KHDRBS2: variants seen among roughly 807,000 people sequenced by gnomAD.
KHDRBS2 encodes KH RNA binding domain containing, signal transduction associated 2.
KHDRBS2 carries 26 observed loss-of-function variants against 44.3 expected under a neutral mutation model. The ratio of observed to expected loss-of-function variants is 0.59; its 90% CI spans 0.43 to 0.81. KHDRBS2 has a LOEUF of 0.81. Among genes scored for constraint, KHDRBS2 ranks in the 40% least tolerant of loss-of-function variants. The pLI is 0.00. For synonymous variants in KHDRBS2, 194 were observed against 151.1 expected (o/e 1.28, Z -2.08); for missense variants, 476 against 433.1 (o/e 1.10, Z -0.88).
At chr6:61,827,204 C>T (rs541080208) in intron 6 of KHDRBS2, among the ~76,000 whole-genome samples, 6 of 152,244 alleles carry the variant, frequency 3.9e-5, no homozygotes, top group East Asian at 1.9e-4. Flanking sequence ...CTGCACTAGA[C>T]GACTTGCAAA....
chr6:62,139,496 C>T (rs533136902), intron 2 of KHDRBS2, among the ~76,000 whole-genome samples: 2 of 149,758 alleles, frequency 1.3e-5, no homozygotes, highest in Admixed American at 6.7e-5. Context: ...GAGCTTGCAG[C>T]GAGCGGAGAT....
intron 6 of KHDRBS2, among the ~76,000 whole-genome samples, chr6:61,829,017 G>T (rs1583047269): frequency 6.6e-6 from 1 of 152,176 alleles, no homozygotes; most frequent in Non-Finnish European, 1.5e-5. Flanking sequence ...AATTTATGCA[G>T]CCTTTAACTC....
At chr6:62,170,973 C>T (rs1329359471) in intron 2 of KHDRBS2, among the ~76,000 whole-genome samples, 1 of 148,448 alleles carries the variant, frequency 6.7e-6, no homozygotes, top group Admixed American at 6.7e-5. Flanking sequence ...AAAAACCAAC[C>T]AAAGGACAGT....
chr6:62,140,410 G>A (rs561153723), intron 2 of KHDRBS2, among the ~76,000 whole-genome samples: 71 of 152,256 alleles, frequency 4.7e-4, no homozygotes, highest in African/African-American at 1.6e-3. Context: ...ATTTGTCGGG[G>A]CAAGACTAGA....
chr6:61,699,504 A>C (rs1768324847), intron 7 of KHDRBS2, among the ~76,000 whole-genome samples: 1 of 152,024 alleles, frequency 6.6e-6, no homozygotes, highest in Admixed American at 6.6e-5. Context: ...GCTGAATATC[A>C]AAAACCAAAT....
At chr6:61,965,860 G>A (rs1769806525) in intron 4 of KHDRBS2, among the ~76,000 whole-genome samples, 1 of 151,888 alleles carries the variant, frequency 6.6e-6, no homozygotes, top group Admixed American at 6.6e-5. Flanking sequence ...TTGAGTGACT[G>A]CAATAAGTTA....
chr6:62,175,071 A>G lies in KHDRBS2; in HGVS notation c.219+2114T>C, dbSNP rs115382932. 1.6e-3 allele frequency among the ~76,000 whole-genome samples: 240 copies of G among 151,788 alleles called. 1 individual carries two copies. The highest frequency in any genetic ancestry group is 5.6e-3 in the African/African-American group (233 of 41,530). On this transcript the variant is annotated intron_variant, in intron 2 of 8. Transcript: ENST00000281156. ...TGTTTTCAAAAGATTATTAAATATA[A>G]TAAGACATAGTTTGTTTTCAAAATA... is the stretch of plus-strand genomic sequence containing the variant.
intron 2 of KHDRBS2, among the ~76,000 whole-genome samples, chr6:62,166,460 A>G (rs866056931): frequency 6.6e-6 from 1 of 152,036 alleles, no homozygotes; most frequent in East Asian, 1.9e-4. Context: ...TATGTTCACA[A>G]TGGTTTATCT....
chr6:62,109,100 T>TAAA (rs70993202), intron 2 of KHDRBS2, among the ~76,000 whole-genome samples: 2 of 140,636 alleles, frequency 1.4e-5, no homozygotes, highest in Non-Finnish European at 3.1e-5. Context: ...AGTATAATAA[T>TAAA]AAAAAAAAAA....
chr6:61,891,783 C>T (rs1801889749), intron 6 of KHDRBS2, among the ~76,000 whole-genome samples: 1 of 152,190 alleles, frequency 6.6e-6, no homozygotes, highest in Non-Finnish European at 1.5e-5. Flanking sequence ...GACAAAACCA[C>T]AGCCAATATC....
the KHDRBS2 span, among the ~76,000 whole-genome samples, chr6:61,600,529 T>C: frequency 6.6e-6 from 1 of 152,100 alleles, no homozygotes; most frequent in Non-Finnish European, 1.5e-5. Context: ...CTATCTCCCT[T>C]CACTGAGTCT....
chr6:62,267,134 T>C (rs1839339585), intron 1 of KHDRBS2, among the ~76,000 whole-genome samples: 1 of 151,986 alleles, frequency 6.6e-6, no homozygotes, highest in South Asian at 2.1e-4. Context: ...TCAAATAACA[T>C]AAACCAATTG....
the KHDRBS2 span, among the ~76,000 whole-genome samples, chr6:61,558,317 T>A: frequency 4.6e-5 from 7 of 152,128 alleles, no homozygotes; most frequent in Non-Finnish European, 8.8e-5. Context: ...ATTCCAACAC[T>A]TTGGGAAGCT....
intron 3 of KHDRBS2, among the ~76,000 whole-genome samples, chr6:61,989,207 A>G (rs1233722169): frequency 6.6e-6 from 1 of 152,176 alleles, no homozygotes; most frequent in Non-Finnish European, 1.5e-5. Context: ...GCCTTTTGTC[A>G]GGTTTATGAC....
intron 1 of KHDRBS2, among the ~76,000 whole-genome samples, chr6:62,235,905 C>G (rs1833627309): frequency 6.6e-6 from 1 of 152,000 alleles, no homozygotes; most frequent in Non-Finnish European, 1.5e-5. Context: ...CATTAACTAG[C>G]ATTATAATCT....
At chr6:61,757,356 T>C (rs1778635420) in intron 6 of KHDRBS2, among the ~76,000 whole-genome samples, 1 of 152,176 alleles carries the variant, frequency 6.6e-6, no homozygotes, top group South Asian at 2.1e-4. Flanking sequence ...TCCCCAGTAA[T>C]GTGTAGGGGT....
At chr6:61,604,241 A>G in the KHDRBS2 span, among the ~76,000 whole-genome samples, 120,872 of 152,100 alleles carry the variant, frequency 0.79, 48,148 homozygotes, top group Non-Finnish European at 0.82. Context: ...TCTCAAGGCC[A>G]CTTTACTTCC....
the KHDRBS2 span, among the ~76,000 whole-genome samples, chr6:61,551,253 G>A: frequency 6.6e-6 from 1 of 151,980 alleles, no homozygotes; most frequent in Non-Finnish European, 1.5e-5. Context: ...TTTCTTATAA[G>A]TTTTGGTTAT....
chr6:62,092,106 T>C (rs1799594411), intron 2 of KHDRBS2, among the ~76,000 whole-genome samples: 1 of 152,042 alleles, frequency 6.6e-6, no homozygotes, highest in Non-Finnish European at 1.5e-5. Context: ...AAAGTTTTGC[T>C]TGATGTCTCC....
Sources: allele counts gnomAD v4.1 joint callset (sites outside exome capture counted in the v4.1 genomes callset), GRCh38; gene constraint gnomAD v4.1.1; transcripts MANE v1.5; gene names NCBI Gene and HGNC (gene_info 2026-07-23, HGNC 2026-07-21).